POMT2: variants seen among roughly 807,000 people sequenced by gnomAD.
POMT2 encodes protein O-mannosyltransferase 2, also known as protein O-mannosyl-transferase 2.
Under a neutral mutation model 100.0 loss-of-function variants are expected in POMT2, and 75 were observed. The observed-to-expected ratio is 0.75, with a 90% CI of 0.62 to 0.91. The LOEUF (loss-of-function observed/expected upper bound fraction) is 0.91. POMT2 is among the 40% of genes least tolerant of loss of function. The pLI is 0.00. For synonymous variants in POMT2, 378 were observed against 374.1 expected (o/e 1.01, Z -0.12); for missense variants, 940 against 955.1 (o/e 0.98, Z 0.21).
At chr14:77,293,098 A>T (rs1051232316) in intron 9 of POMT2, among the ~76,000 whole-genome samples, 1 of 152,340 alleles carries the variant, frequency 6.6e-6, no homozygotes, top group East Asian at 1.9e-4. Flanking sequence ...AAAATTAGGG[A>T]TAATGTTATT....
chr14:77,307,858 C>CTTTTTTTTTT (rs57755259), intron 2 of POMT2, among the ~76,000 whole-genome samples: 1 of 101,228 alleles, frequency 9.9e-6, no homozygotes, highest in Non-Finnish European at 1.9e-5. Context: ...TTAATTTCTT[C>CTTTTTTTTTT]TTTTTTTTTT....
intron 9 of POMT2, 178 bp from the exon 10 acceptor site, chr14:77,291,558 G>C: frequency 1.3e-6 from 1 of 762,276 alleles, no homozygotes; most frequent in Non-Finnish European, 2.1e-6. Flanking sequence ...TAGCACTGGT[G>C]AGTGAGATTC....
intron 9 of POMT2, among the ~76,000 whole-genome samples, chr14:77,293,336 T>C (rs138052380): frequency 9.3e-4 from 141 of 152,274 alleles, no homozygotes; most frequent in African/African-American, 3.1e-3. Context: ...CAAGAAAAAT[T>C]ATTTATTTAT....
chr14:77,277,368 C>T lies in POMT2; in HGVS notation c.*8G>A. On this transcript the variant is annotated 3_prime_UTR_variant, in exon 21 of 21. Transcript: ENST00000261534. ...TCCTGGACCCAGGCTGGAATCTTTG[C>T]AGTGGCCTCAAAAGTCCCATGAGTC... 6.2e-7 allele frequency: 1 copy of T among 1,602,248 alleles called. No individual in the cohort carries two copies. Among genetic ancestry groups the T allele is most frequent in the Non-Finnish European group, 8.6e-7 (1 of 1,169,346 alleles).
chr14:77,280,493 A>G (rs1378394825), intron 15 of POMT2, 30 bp from the exon 16 acceptor site: 2 of 1,614,104 alleles, frequency 1.2e-6, no homozygotes, highest in Admixed American at 3.3e-5. Flanking sequence ...AAAGCTAGTC[A>G]AGACAGAGAT....
chr14:77,304,920 T>C, intron 3 of POMT2, 120 bp from the exon 4 acceptor site: 2 of 1,490,172 alleles, frequency 1.3e-6, no homozygotes, highest in Non-Finnish European at 1.8e-6. Flanking sequence ...TTTGGTGACC[T>C]AAAGTCACCT....
rs771731594 is a variant in POMT2, at chr14:77,301,134, T to C, written c.772A>G (p.Ile258Val). ...FIILQVGLNT[I>V]ADLWYLFGDL... is the part of the protein sequence containing the mutation. ...CCGAACAGGTACCAAAGGTCTGCAA[T>C]GGTGTTCAGCCCCACTTGAAGGATG... Residue 258 changes from isoleucine (I) to valine (V), a missense_variant, in exon 6 of 21, where the codon ATT (isoleucine) becomes GTT (valine). Transcript: ENST00000261534. 1.9e-6 allele frequency: 3 copies of C among 1,614,210 alleles called. No individual in the cohort carries two copies. The highest frequency in any genetic ancestry group is 2.2e-5 in the East Asian group (1 of 44,884).
chr14:77,291,458 C>A (rs987095359), intron 9 of POMT2, 78 bp from the exon 10 acceptor site: 43 of 1,550,458 alleles, frequency 2.8e-5, no homozygotes, highest in Non-Finnish European at 3.6e-5. Flanking sequence ...TGGCCAAGGA[C>A]AATCAACCTC....
chr14:77,296,077 A>C, intron 9 of POMT2, 87 bp downstream of exon 9: 1 of 1,075,156 alleles, frequency 9.3e-7, no homozygotes, highest in East Asian at 2.6e-5. Context: ...CAGGGCGAAC[A>C]GGATGAGCAA....
intron 2 of POMT2, among the ~76,000 whole-genome samples, chr14:77,307,811 C>A (rs1023261742): frequency 6.6e-6 from 1 of 151,536 alleles, no homozygotes; most frequent in Non-Finnish European, 1.5e-5. Flanking sequence ...AAATTCAATT[C>A]TCTCTCAGTT....
rs1566648219 is a variant in POMT2, at chr14:77,286,738, ACTTACTATG to A, written c.1329_1332+5del. The A allele has an allele frequency of 3.7e-6, 6 of 1,612,182 alleles. No homozygotes were observed. The highest frequency in any genetic ancestry group is 4.2e-6 in the Non-Finnish European group (5 of 1,178,194). ...CGTCCTACTCACATCCCCGTTGCTT[ACTTACTATG>A]CCATAGCCGGTGACCTGATAGTGCT... On this transcript the variant is annotated splice_donor_variant and splice_donor_5th_base_variant and coding_sequence_variant and intron_variant, in exon 12 of 21. Transcript: ENST00000261534. LOFTEE classifies it high-confidence loss of function.
chr14:77,307,549 T>C (rs969861262), intron 2 of POMT2, among the ~76,000 whole-genome samples: 1 of 152,190 alleles, frequency 6.6e-6, no homozygotes. Context: ...GGATCCCTCT[T>C]CCCACCTGGG....
chr14:77,279,521 C>G (rs550541639), intron 18 of POMT2: 1 of 542,702 alleles, frequency 1.8e-6, no homozygotes, highest in African/African-American at 1.9e-5. Flanking sequence ...GTTTGAGCCT[C>G]AGCTCTATCA....
At chr14:77,283,420 G>C (rs1407400355) in intron 15 of POMT2, among the ~76,000 whole-genome samples, 1 of 152,220 alleles carries the variant, frequency 6.6e-6, no homozygotes, top group Non-Finnish European at 1.5e-5. Context: ...GGCTCTGAGG[G>C]CTGGATCTAC....
chr14:77,301,200 G>T lies in POMT2; in HGVS notation c.706C>A (p.Leu236Ile). ...AACTTGACCCCTAAAGCACCAGCAA[G>T]ACTAACGCCAGTCAGGCTGAGCCAG... ...WFWLSLTGVS[L>I]AGALGVKFVG... Residue 236 changes from leucine to isoleucine, a missense_variant, in exon 6 of 21, where the codon CTT (leucine) becomes ATT (isoleucine). Leu to Ile is a conservative substitution (Grantham distance 5). Coordinates refer to ENST00000261534, the MANE Select transcript of POMT2 (RefSeq NM_013382.7). 6.2e-7 allele frequency: 1 copy of T among 1,614,244 alleles called. No homozygotes were observed.
Position 77,306,178 on chromosome 14 carries a change from T to C in POMT2, c.438+159A>G, listed in dbSNP as rs79436695. 3 of 1,280,070 alleles carry C rather than the reference T, an allele frequency of 2.3e-6. No individual in the cohort carries two copies. In the African/African-American group the frequency reaches 4.4e-5, roughly 19 times the overall value. 79.3% of individuals were successfully genotyped at this position (1,280,070 alleles called of 1,614,324 possible). A position where few individuals can be genotyped will look rare whatever the true frequency, so the allele number is the denominator to read the frequency against. On this transcript the variant is annotated intron_variant, in intron 3 of 20. Transcript: ENST00000261534. The stretch of plus-strand genomic sequence containing the variant: ...TTCTTCCTCACCTCAGTTCTGAGTA[T>C]CTACACCACAGGGGAGGGTCTGATC...
intron 1 of POMT2, among the ~76,000 whole-genome samples, chr14:77,316,067 G>A (rs1166536374): frequency 1.3e-5 from 2 of 152,154 alleles, no homozygotes; most frequent in Non-Finnish European, 2.9e-5. Flanking sequence ...TGAGAGCCAT[G>A]CACCAGAATC....
intron 16 of POMT2, 116 bp downstream of exon 16, chr14:77,280,276 C>T (rs1437584500): frequency 7.0e-6 from 11 of 1,566,460 alleles, no homozygotes; most frequent in Admixed American, 1.9e-5. Context: ...CTGGCCAACC[C>T]ATCCCAGGAG....
At chr14:77,279,049 C>T (rs1890100747) in intron 18 of POMT2, 180 bp from the exon 19 acceptor site, 3 of 838,842 alleles carry the variant, frequency 3.6e-6, no homozygotes, top group Non-Finnish European at 3.9e-6. Context: ...GAGCTCTGGT[C>T]AGGGCCCAGC....
Sources: gnomAD v4.1 joint callset for allele counts (sites outside exome capture counted in the v4.1 genomes callset) on GRCh38, gnomAD v4.1.1 for gene constraint, MANE v1.5 for transcripts, NCBI Gene and HGNC (gene_info 2026-07-23, HGNC 2026-07-21) for gene names.